The following MIB1 variants were observed in gnomAD, a reference collection of about 807,000 sequenced individuals.
MIB1 encodes MIB E3 ubiquitin protein ligase 1.
MIB1 carries 278 observed loss-of-function variants against 124.5 expected under a neutral mutation model. That is an observed-to-expected ratio of 2.23 (90% CI 2.02 to 2.47). The LOEUF is 2.47. MIB1 is among the 30% of genes most tolerant of loss of function. The probability of loss-of-function intolerance (pLI) is 0.00; values close to 1 mark genes in which losing one functional copy is unlikely to be tolerated. For missense variants in MIB1, 957 were observed against 1,254.4 expected (o/e 0.76, Z 3.58); for synonymous variants, 446 against 429.4 (o/e 1.04, Z -0.48).
intron 6 of MIB1, among the ~76,000 whole-genome samples, chr18:21,787,168 C>T (rs2041445429): frequency 1.3e-5 from 2 of 152,084 alleles, no homozygotes; most frequent in Admixed American, 6.6e-5. Context: ...GCCTTAAGCC[C>T]AAGTTTGCCT....
chr18:21,783,244 CTTT>C (rs755510609), intron 6 of MIB1, among the ~76,000 whole-genome samples: 1 of 143,182 alleles, frequency 7.0e-6, no homozygotes, highest in African/African-American at 2.5e-5. Flanking sequence ...CACTCTATGC[CTTT>C]TTTTTTTTTT....
At chr18:21,820,390 C>G (rs2041868052) in intron 12 of MIB1, among the ~76,000 whole-genome samples, 1 of 152,132 alleles carries the variant, frequency 6.6e-6, no homozygotes, top group African/African-American at 2.4e-5. Context: ...ATAATTTTAT[C>G]TATTCTGAAC....
At chr18:21,730,913 A>G (rs1271409338) in intron 1 of MIB1, among the ~76,000 whole-genome samples, 1 of 152,124 alleles carries the variant, frequency 6.6e-6, no homozygotes, top group East Asian at 1.9e-4. Flanking sequence ...AGCCATGCAG[A>G]TCTTTTGGTT....
chr18:21,864,575 G>A lies in MIB1; in HGVS notation c.2930G>A (p.Cys977Tyr). The A allele has an allele frequency of 1.2e-6, 2 of 1,613,656 alleles. No individual in the cohort carries two copies. Among genetic ancestry groups the A allele is most frequent in the Non-Finnish European group, 1.7e-6 (2 of 1,179,628 alleles). The change falls in exon 21 of 21, where the codon TGT (cysteine) becomes TAT (tyrosine). Residue 977 changes from cysteine to tyrosine, a missense_variant. Coordinates refer to ENST00000261537, the MANE Select transcript of MIB1 (RefSeq NM_020774.4). Reference protein sequence around the residue: ...LDRLKNMIFLCGHGTCQLCGD... With the variant: ...LDRLKNMIFLYGHGTCQLCGD... Reference sequence around the variant, plus strand: ...CGTCTGAAGAATATGATTTTCCTTTGTGGTCACGGAACCTGTCAACTCTGT... The same window carrying A: ...CGTCTGAAGAATATGATTTTCCTTTATGGTCACGGAACCTGTCAACTCTGT...
intron 1 of MIB1, among the ~76,000 whole-genome samples, chr18:21,709,665 G>A (rs1245635014): frequency 4.6e-5 from 7 of 151,410 alleles, no homozygotes; most frequent in Non-Finnish European, 8.8e-5. Flanking sequence ...GGACATGCAT[G>A]CTGCTTCATT....
chr18:21,832,570 A>G (rs3810042), intron 12 of MIB1, among the ~76,000 whole-genome samples: 79,720 of 151,978 alleles, frequency 0.52, 24,042 homozygotes, highest in Non-Finnish European at 0.67. Flanking sequence ...GAAACCAGCT[A>G]TACCTTGTTT....
At chr18:21,769,548 C>T (rs979185229) in intron 3 of MIB1, among the ~76,000 whole-genome samples, 1 of 152,154 alleles carries the variant, frequency 6.6e-6, no homozygotes, top group African/African-American at 2.4e-5. Context: ...AACAAAGATG[C>T]CTTTGCCTCT....
intron 6 of MIB1, among the ~76,000 whole-genome samples, chr18:21,781,263 G>A (rs1289635961): frequency 1.3e-5 from 2 of 150,058 alleles, no homozygotes; most frequent in Non-Finnish European, 3.0e-5. Flanking sequence ...TAAATGTTTG[G>A]TAGAATCTGG....
Position 21,783,484 on chromosome 18 carries a change from C to T in MIB1, c.908+3799C>T, listed in dbSNP as rs947951664. ...TCTCTAACTCCTGACCTCAGGTGGTCCTCCCGCCTCAGCCTCCCAAAGTAC... is the reference window on the plus strand; with the variant it reads ...TCTCTAACTCCTGACCTCAGGTGGTTCTCCCGCCTCAGCCTCCCAAAGTAC... On this transcript the variant is annotated intron_variant, in intron 6 of 20. Transcript: ENST00000261537. Among the ~76,000 whole-genome samples the T allele has an allele frequency of 3.4e-4, 51 of 152,166 alleles. 1 individual carries two copies. The highest frequency in any genetic ancestry group is 3.0e-3 in the Admixed American group (46 of 15,290).
chr18:21,798,081 A>G lies in MIB1; in HGVS notation c.1093-3A>G, dbSNP rs1484801291. On this transcript the variant is annotated splice_polypyrimidine_tract_variant and splice_region_variant and intron_variant, in intron 7 of 20. Transcript: ENST00000261537. ...GAAACATGAATCTATTTTTTTCCCCAAGACTTTAGGTAAAGTTGGCCGAGT... is the reference window on the plus strand; with the variant it reads ...GAAACATGAATCTATTTTTTTCCCCGAGACTTTAGGTAAAGTTGGCCGAGT... 4 of 1,611,770 alleles carry G rather than the reference A, an allele frequency of 2.5e-6. No individual in the cohort carries two copies. In the Admixed American group the frequency reaches 6.7e-5, roughly 27 times the overall value.
intron 1 of MIB1, among the ~76,000 whole-genome samples, chr18:21,730,516 C>T (rs112064864): frequency 0.019 from 2,920 of 152,124 alleles, 41 homozygotes; most frequent in East Asian, 0.069. Context: ...TGCAGTGAGC[C>T]GAGATCACGC....
At chr18:21,732,020 T>C (rs2040773259) in intron 1 of MIB1, among the ~76,000 whole-genome samples, 1 of 131,104 alleles carries the variant, frequency 7.6e-6, no homozygotes, top group South Asian at 2.2e-4. Flanking sequence ...GCCCTTTAAA[T>C]ATATATATAT....
intron 12 of MIB1, among the ~76,000 whole-genome samples, chr18:21,825,306 A>T (rs141455659): frequency 1.3e-5 from 2 of 152,168 alleles, no homozygotes; most frequent in Non-Finnish European, 2.9e-5. Context: ...GCACACATCC[A>T]TGTAAACCAC....
At chr18:21,760,894 C>G (rs549672943) in intron 1 of MIB1, among the ~76,000 whole-genome samples, 1 of 152,062 alleles carries the variant, frequency 6.6e-6, no homozygotes, top group Non-Finnish European at 1.5e-5. Context: ...TTTGTTTAGT[C>G]TATTTTACTT....
chr18:21,849,590 A>G (rs2042164964), intron 17 of MIB1, among the ~76,000 whole-genome samples: 1 of 152,064 alleles, frequency 6.6e-6, no homozygotes, highest in Non-Finnish European at 1.5e-5. Context: ...TTATTAATGT[A>G]CTGATTTGCT....
chr18:21,782,412 T>A (rs1476518908), intron 6 of MIB1, among the ~76,000 whole-genome samples: 1 of 152,216 alleles, frequency 6.6e-6, no homozygotes, highest in South Asian at 2.1e-4. Flanking sequence ...CATGAACCAC[T>A]GCATCTGGCG....
intron 6 of MIB1, among the ~76,000 whole-genome samples, chr18:21,782,476 T>A (rs2041381445): frequency 6.6e-6 from 1 of 151,964 alleles, no homozygotes; most frequent in South Asian, 2.2e-4. Context: ...ACTACTGCTT[T>A]TTCTGTATTT....
chr18:21,861,910 T>C (rs1473180217), intron 20 of MIB1, among the ~76,000 whole-genome samples: 1 of 143,548 alleles, frequency 7.0e-6, no homozygotes, highest in Non-Finnish European at 1.5e-5. Context: ...TTTGCTTTTC[T>C]TTTTTTTTTG....
intron 12 of MIB1, among the ~76,000 whole-genome samples, chr18:21,836,567 A>T (rs2042035097): frequency 1.3e-5 from 2 of 152,134 alleles, no homozygotes; most frequent in Admixed American, 1.3e-4. Context: ...GCATCTAGTG[A>T]TTTCATGTTA....
Sources: gnomAD v4.1 joint callset for allele counts (sites outside exome capture counted in the v4.1 genomes callset) on GRCh38, gnomAD v4.1.1 for gene constraint, MANE v1.5 for transcripts, NCBI Gene and HGNC (gene_info 2026-07-23, HGNC 2026-07-21) for gene names.